VPS33A: variants seen among roughly 807,000 people sequenced by gnomAD.
VPS33A encodes VPS33A core subunit of CORVET and HOPS complexes, also known as vacuolar protein sorting-associated protein 33A.
A neutral mutation model predicts 71.8 loss-of-function variants in VPS33A; 32 were observed. That is an observed-to-expected ratio of 0.45 (90% confidence interval 0.34 to 0.60). VPS33A has a LOEUF of 0.60. Among genes scored for constraint, VPS33A ranks in the 20% least tolerant of loss-of-function variants. The pLI is 0.02. For synonymous variants in VPS33A, 311 were observed against 292.7 expected (o/e 1.06, Z -0.64); for missense variants, 625 against 748.5 (o/e 0.84, Z 1.92).
chr12:122,239,861 T>C lies in VPS33A; in HGVS notation c.1164+17A>G. 6.3e-7 allele frequency: 1 copy of C among 1,593,834 alleles called. No homozygotes were observed. Among genetic ancestry groups the C allele is most frequent in the Non-Finnish European group, 8.6e-7 (1 of 1,167,212 alleles). On this transcript the variant is annotated intron_variant, in intron 9 of 12. Transcript: ENST00000267199. Reference sequence around the variant, plus strand: ...AGCTTTCAATTACTTGTTAAAGAGGTTTTTTTGTCCACATACCTTATCAGT... The same window carrying C: ...AGCTTTCAATTACTTGTTAAAGAGGCTTTTTTGTCCACATACCTTATCAGT...
In VPS33A at chr12:122,264,174, G is replaced by C. The variant is rs756999258; in HGVS notation, c.128C>G (p.Thr43Ser). The change falls in exon 2 of 13, where the codon ACT becomes AGT. Residue 43 changes from threonine to serine, a missense_variant. Coordinates refer to ENST00000267199, the MANE Select transcript of VPS33A (RefSeq NM_022916.6). ...CTGTGCAATCAGGCCAAAGGGTCCAGTTAGGTATTCATCCCAAACTATTGC... is the reference window on the plus strand; with the variant it reads ...CTGTGCAATCAGGCCAAAGGGTCCACTTAGGTATTCATCCCAAACTATTGC... The part of the protein sequence containing the change: ...SKAIVWDEYL[T>S]GPFGLIAQYS... The C allele has an allele frequency of 1.3e-6, 2 of 1,555,752 alleles. No individual in the cohort carries two copies. The highest frequency in any genetic ancestry group is 2.4e-5 in the South Asian group (2 of 82,188).
At position 122,232,059 on chromosome 12, in the gene VPS33A, A is replaced by T; in HGVS notation, c.*187T>A. 1.7e-6 allele frequency: 1 copy of T among 575,466 alleles called. No homozygotes were observed. Among genetic ancestry groups the T allele is most frequent in the Non-Finnish European group, 2.8e-6 (1 of 353,568 alleles). The allele number at this position is 575,466 out of a possible 1,614,324, so 35.6% of individuals were successfully genotyped here. The stretch of plus-strand genomic sequence containing the variant: ...GTGACAGAGCAAGACTCCGTCTCAA[A>T]GGAAAAAAAAAAAGGGAATACAAAA... On this transcript the variant is annotated 3_prime_UTR_variant, in exon 13 of 13. Coordinates refer to ENST00000267199, the MANE Select transcript of VPS33A (RefSeq NM_022916.6).
rs563422287 is a variant in VPS33A at position 122,247,497 on chromosome 12, C to T, written c.775+2374G>A. Among the ~76,000 whole-genome samples the T allele has an allele frequency of 2.2e-3, 330 of 152,230 alleles. 3 individuals are homozygous for T. Among genetic ancestry groups the T allele is most frequent in the African/African-American group, 7.7e-3 (321 of 41,546 alleles). On this transcript the variant is annotated intron_variant, in intron 6 of 12. Coordinates refer to ENST00000267199, the MANE Select transcript of VPS33A (RefSeq NM_022916.6). Reference sequence around the variant, plus strand: ...AGAGTTTTAAAAAGTATTAAAGGTGCCATTTTTTTGACAAACAATAATAAT... The same window carrying T: ...AGAGTTTTAAAAAGTATTAAAGGTGTCATTTTTTTGACAAACAATAATAAT...
intron 9 of VPS33A, 112 bp from the exon 10 acceptor site, chr12:122,238,836 TTTA>T (rs1016891464): frequency 2.6e-6 from 3 of 1,146,030 alleles, no homozygotes; most frequent in South Asian, 1.4e-5. Context: ...TAACTTGATG[TTTA>T]TTATTATTTT....
intron 1 of VPS33A, 24 bp from the exon 2 acceptor site, chr12:122,264,223 C>CTTA (rs757554881): frequency 6.7e-7 from 1 of 1,494,054 alleles, no homozygotes; most frequent in South Asian, 1.4e-5. Context: ...GAAACATTCT[C>CTTA]TTATTATAGT....
intron 11 of VPS33A, among the ~76,000 whole-genome samples, chr12:122,234,953 G>A (rs1289937574): frequency 6.6e-6 from 1 of 152,036 alleles, no homozygotes; most frequent in Admixed American, 6.5e-5. Flanking sequence ...GCTGGCAAGG[G>A]CTCCCCACTG....
At chr12:122,251,867 T>A (rs574299413) in intron 4 of VPS33A, among the ~76,000 whole-genome samples, 66 of 150,682 alleles carry the variant, frequency 4.4e-4, no homozygotes, top group Non-Finnish European at 6.0e-4. Context: ...GGCACATGTA[T>A]ACATATGTAA....
At chr12:122,253,193 A>G (rs1291984620) in intron 4 of VPS33A, 1 of 152,264 alleles carries the variant, frequency 6.6e-6, no homozygotes, top group Admixed American at 6.5e-5. Flanking sequence ...ACCATCGAGA[A>G]TATGTCAAAA....
At position 122,239,918 on chromosome 12, in the gene VPS33A, G is replaced by C. The variant is rs774690191; in HGVS notation, c.1124C>G (p.Thr375Ser). The change falls in exon 9 of 13, where the codon ACC becomes AGC. Residue 375 changes from threonine (T) to serine (S), a missense_variant. Coordinates refer to ENST00000267199, the MANE Select transcript of VPS33A (RefSeq NM_022916.6). ...TTSEDFFDKL[T>S]VEQEFMSGID... is the part of the protein sequence containing the mutation. ...TCCAGACATAAACTCCTGTTCCACG[G>C]TTAATTTATCAAAAAAGTCTTCAGA... 1 of 1,613,450 alleles carries C rather than the reference G, an allele frequency of 6.2e-7. No individual in the cohort carries two copies. Among genetic ancestry groups the C allele is most frequent in the African/African-American group, 1.3e-5 (1 of 74,836 alleles).
chr12:122,260,400 A>G, intron 4 of VPS33A, among the ~76,000 whole-genome samples: 1 of 151,886 alleles, frequency 6.6e-6, no homozygotes, highest in East Asian at 1.9e-4. Flanking sequence ...CCCGGGTTCA[A>G]GTGATTCTCC....
At chr12:122,242,937 A>C (rs1954734206) in intron 7 of VPS33A, among the ~76,000 whole-genome samples, 1 of 152,218 alleles carries the variant, frequency 6.6e-6, no homozygotes, top group African/African-American at 2.4e-5. Flanking sequence ...AATACAAATA[A>C]ATCATTACAT....
chr12:122,264,197 T>C lies in VPS33A; in HGVS notation c.105A>G (p.Ala35=), dbSNP rs756071909. 5.8e-6 allele frequency: 9 copies of C among 1,539,570 alleles called. No individual in the cohort carries two copies. The highest frequency in any genetic ancestry group is 8.0e-6 in the Non-Finnish European group (9 of 1,129,872). The stretch of plus-strand genomic sequence containing the variant: ...CAGTTAGGTATTCATCCCAAACTAT[T>C]GCCTGTAAGAGGGGAGAAACATTCT... The part of the protein sequence containing the change: ...EFLDKCAGSK[A]IVWDEYLTGP... The change falls in exon 2 of 13, where the codon GCA becomes GCG. Residue 35 remains alanine (A), a splice_region_variant and synonymous_variant. Coordinates refer to ENST00000267199, the MANE Select transcript of VPS33A (RefSeq NM_022916.6).
chr12:122,231,785 G>A lies in VPS33A; in HGVS notation c.*461C>T, dbSNP rs1218222637. 4.0e-5 allele frequency: 10 copies of A among 252,418 alleles called. No homozygotes were observed. Among genetic ancestry groups the A allele is most frequent in the South Asian group, 3.5e-4 (2 of 5,738 alleles). The allele number at this position is 252,418 out of a possible 1,614,324, so 15.6% of individuals were successfully genotyped here. On this transcript the variant is annotated 3_prime_UTR_variant, in exon 13 of 13. Coordinates refer to ENST00000267199, the MANE Select transcript of VPS33A (RefSeq NM_022916.6). The stretch of plus-strand genomic sequence containing the variant: ...CTTCAGCAGATTAGGGGCCAGGCAC[G>A]GTGGCTCAGGCCTGTAATCCCAGCA...
chr12:122,232,225 G>C lies in VPS33A; in HGVS notation c.*21C>G. On this transcript the variant is annotated 3_prime_UTR_variant, in exon 13 of 13. Transcript: ENST00000267199. ...AGGTAGTTTATTCTGCAGTACACTT[G>C]TTAAGTCTCCTCTGAACATCCTAGA... 1.3e-6 allele frequency: 2 copies of C among 1,597,574 alleles called. No individual in the cohort carries two copies. The highest frequency in any genetic ancestry group is 1.7e-6 in the Non-Finnish European group (2 of 1,172,500).
chr12:122,237,412 T>C (rs1954642510), intron 10 of VPS33A, among the ~76,000 whole-genome samples: 1 of 152,194 alleles, frequency 6.6e-6, no homozygotes, highest in Non-Finnish European at 1.5e-5. Context: ...TCCATAAAAC[T>C]GGGACGATAG....
intron 6 of VPS33A, among the ~76,000 whole-genome samples, chr12:122,246,964 T>C (rs1475098637): frequency 2.0e-5 from 3 of 152,194 alleles, no homozygotes; most frequent in South Asian, 2.1e-4. Context: ...CTCATTAGCA[T>C]ACCAAATCAA....
At position 122,231,247 on chromosome 12, in the gene VPS33A, C is replaced by T. The variant is rs1954556634; in HGVS notation, c.*999G>A. 1 of 152,224 alleles carries T rather than the reference C, an allele frequency of 6.6e-6. No individual in the cohort carries two copies. Among genetic ancestry groups the T allele is most frequent in the Admixed American group, 6.5e-5 (1 of 15,280 alleles). 9.4% of individuals were successfully genotyped at this position (152,224 alleles called of 1,614,324 possible). On this transcript the variant is annotated 3_prime_UTR_variant, in exon 13 of 13. Coordinates refer to ENST00000267199, the MANE Select transcript of VPS33A (RefSeq NM_022916.6). ...TCAGAAGGTTGCTCCCCAATTATCA[C>T]ATTCTTCCATGTCAAAAGCCCCTGA...
intron 1 of VPS33A, 24 bp from the exon 2 acceptor site, chr12:122,264,223 C>T (rs535427015): frequency 1.9e-5 from 28 of 1,494,052 alleles, no homozygotes; most frequent in Non-Finnish European, 2.4e-5. Flanking sequence ...GAAACATTCT[C>T]TTATTATAGT....
intron 4 of VPS33A, among the ~76,000 whole-genome samples, chr12:122,255,882 C>T (rs1211880911): frequency 6.6e-6 from 1 of 152,148 alleles, no homozygotes; most frequent in African/African-American, 2.4e-5. Context: ...CAGCGCCCTG[C>T]AGCCTCAACC....
Sources: gnomAD v4.1 joint callset for allele counts (sites outside exome capture counted in the v4.1 genomes callset) on GRCh38, gnomAD v4.1.1 for gene constraint, MANE v1.5 for transcripts, NCBI Gene and HGNC (gene_info 2026-07-23, HGNC 2026-07-21) for gene names.